Variants in PNPT1 observed in about 807,000 individuals in gnomAD.
The protein encoded by PNPT1 is polyribonucleotide nucleotidyltransferase 1, mitochondrial.
Under a neutral mutation model 119.5 loss-of-function variants are expected in PNPT1, and 53 were observed. The observed-to-expected ratio is 0.44, with a 90% CI of 0.36 to 0.56. The LOEUF (loss-of-function observed/expected upper bound fraction) is 0.56, where lower values mean the gene tolerates loss of function less well. Among genes scored for constraint, PNPT1 ranks in the 20% least tolerant of loss-of-function variants. The pLI is 0.00. For synonymous variants in PNPT1, 357 were observed against 322.1 expected (o/e 1.11, Z -1.16); for missense variants, 948 against 938.5 (o/e 1.01, Z -0.13).
At chr2:55,654,990 A>AT (rs750874825) in intron 17 of PNPT1, 37 bp from the exon 18 acceptor site, 61 of 1,544,654 alleles carry the variant, frequency 3.9e-5, no homozygotes, top group Non-Finnish European at 5.1e-5. Flanking sequence ...TATTAAACTG[A>AT]TTTTTTTAAT....
intron 15 of PNPT1, among the ~76,000 whole-genome samples, chr2:55,656,603 TG>T (rs1696395334): frequency 6.6e-6 from 1 of 152,180 alleles, no homozygotes; most frequent in Non-Finnish European, 1.5e-5. Flanking sequence ...GGGAACTGGA[TG>T]GGTATGGGGA....
chr2:55,666,862 C>A, intron 13 of PNPT1, 129 bp downstream of exon 13: 1 of 581,982 alleles, frequency 1.7e-6, no homozygotes, highest in East Asian at 3.4e-5. Context: ...ACAAGAACCG[C>A]CAGATATTAA....
intron 11 of PNPT1, among the ~76,000 whole-genome samples, chr2:55,670,510 T>A (rs1559103575): frequency 6.6e-6 from 1 of 152,166 alleles, no homozygotes; most frequent in African/African-American, 2.4e-5. Context: ...TACAGTAAGA[T>A]CCTTTGCTTA....
At chr2:55,693,150 A>T (rs1697675512) in intron 1 of PNPT1, among the ~76,000 whole-genome samples, 1 of 152,118 alleles carries the variant, frequency 6.6e-6, no homozygotes, top group African/African-American at 2.4e-5. Flanking sequence ...CCTGGTGTTC[A>T]ACTTCTACAA....
chr2:55,676,248 G>T (rs1250684806), intron 8 of PNPT1, among the ~76,000 whole-genome samples: 2 of 104,168 alleles, frequency 1.9e-5, no homozygotes, highest in Admixed American at 1.5e-4. Context: ...GACAGAGTAA[G>T]ACTCCATCTC....
chr2:55,656,172 G>A lies in PNPT1; in HGVS notation c.1400C>T (p.Pro467Leu). 5.0e-6 allele frequency: 8 copies of A among 1,613,354 alleles called. No homozygotes were observed. Among genetic ancestry groups the A allele is most frequent in the Non-Finnish European group, 5.9e-6 (7 of 1,179,626 alleles). ...ALYPVIPRDFPFTIRVTSEVL... is the reference protein window; with the variant it reads ...ALYPVIPRDFLFTIRVTSEVL... ...TTCAGATGTAACTCTTATGGTGAAAGGAAAATCTCGGGGAATAACAGGATA... is the reference window on the plus strand; with the variant it reads ...TTCAGATGTAACTCTTATGGTGAAAAGAAAATCTCGGGGAATAACAGGATA... Residue 467 changes from proline (P) to leucine (L), a missense_variant, in exon 17 of 28, where the codon CCT (proline) becomes CTT (leucine). Physicochemically the swap from Pro to Leu is moderately conservative, Grantham distance 98. Coordinates refer to ENST00000447944, the MANE Select transcript of PNPT1 (RefSeq NM_033109.5).
Position 55,668,533 on chromosome 2 carries a change from C to T in PNPT1, c.977-575G>A, listed in dbSNP as rs532226739. 7.2e-5 allele frequency among the ~76,000 whole-genome samples: 11 copies of T among 152,098 alleles called. 1 individual carries two copies. The highest frequency in any genetic ancestry group is 2.2e-4 in the African/African-American group (9 of 41,482). On this transcript the variant is annotated intron_variant, in intron 11 of 27. Transcript: ENST00000447944. ...GATTACAGGCGTGAGCCAATGCGCC[C>T]GGCCCATCAGTTCCCTTTTCTATTA... is the stretch of plus-strand genomic sequence containing the variant.
rs182228202 is a variant in PNPT1, at chr2:55,670,537, T to C, written c.976+782A>G. Among the ~76,000 whole-genome samples, 4 of 152,316 alleles carry C rather than the reference T, an allele frequency of 2.6e-5. No homozygotes were observed. In the East Asian group the frequency reaches 7.7e-4, roughly 29 times the overall value. On this transcript the variant is annotated intron_variant, in intron 11 of 27. Transcript: ENST00000447944. ...CTTTGCTTAATAATTTCTGGAGAGCTAAATTACCTAAGTTCTGTATCTTAT... is the reference window on the plus strand; with the variant it reads ...CTTTGCTTAATAATTTCTGGAGAGCCAAATTACCTAAGTTCTGTATCTTAT...
intron 13 of PNPT1, 145 bp from the exon 14 acceptor site, chr2:55,662,171 AC>A (rs1696599393): frequency 1.7e-6 from 1 of 595,260 alleles, no homozygotes; most frequent in Non-Finnish European, 2.7e-6. Context: ...ACTGCATTAA[AC>A]ACTTATTTAT....
intron 25 of PNPT1, among the ~76,000 whole-genome samples, chr2:55,640,947 C>T (rs1324416263): frequency 1.3e-5 from 2 of 151,998 alleles, no homozygotes; most frequent in Admixed American, 1.3e-4. Context: ...CTTTTAGAGC[C>T]AGGTGCGGTG....
intron 18 of PNPT1, among the ~76,000 whole-genome samples, chr2:55,647,787 C>T (rs1356898457): frequency 2.6e-5 from 4 of 151,970 alleles, no homozygotes; most frequent in East Asian, 1.9e-4. Flanking sequence ...CCTCCCAAAG[C>T]GCTGGGATTA....
intron 26 of PNPT1, among the ~76,000 whole-genome samples, chr2:55,638,840 T>C (rs1330670198): frequency 6.6e-6 from 1 of 151,856 alleles, no homozygotes; most frequent in African/African-American, 2.4e-5. Context: ...AGTAGCATGA[T>C]ATCCGCTCAC....
chr2:55,636,281 C>A lies in PNPT1; in HGVS notation c.2308G>T (p.Val770Leu). 1 of 1,613,508 alleles carries A rather than the reference C, an allele frequency of 6.2e-7. No homozygotes were observed. The highest frequency in any genetic ancestry group is 8.5e-7 in the Non-Finnish European group (1 of 1,179,636). ...GACTGTGAAATAGGTTCTCCCATTA[C>A]AATACTACTTCTGTCATTCAAAGTT... ...VRTLNDRSSI[V>L]MGEPISQSSS... Residue 770 changes from valine (V) to leucine (L), a missense_variant, in exon 28 of 28, where the codon GTA becomes TTA. Transcript: ENST00000447944.
At position 55,667,892 on chromosome 2, in the gene PNPT1, A is replaced by C. The variant is rs1331603359; in HGVS notation, c.1043T>G (p.Phe348Cys). 2 of 1,587,922 alleles carry C rather than the reference A, an allele frequency of 1.3e-6. No homozygotes were observed. The highest frequency in any genetic ancestry group is 2.3e-5 in the South Asian group (2 of 85,816). ...GTATTCATTCAAAACAATACTTCTA[A>C]AAACTTCCTTTGCAACAACATTGAA... Reference protein sequence around the residue: ...ESFNVVAKEVFRSIVLNEYKR... With the variant: ...ESFNVVAKEVCRSIVLNEYKR... Residue 348 changes from phenylalanine (F) to cysteine (C), a missense_variant, in exon 12 of 28, where the codon TTT (phenylalanine) becomes TGT (cysteine). Physicochemically the swap from Phe to Cys is radical, Grantham distance 205. Coordinates refer to ENST00000447944, the MANE Select transcript of PNPT1 (RefSeq NM_033109.5).
intron 12 of PNPT1, among the ~76,000 whole-genome samples, 161 bp downstream of exon 12, chr2:55,667,701 A>G (rs1368699196): frequency 6.6e-6 from 1 of 152,180 alleles, no homozygotes; most frequent in Non-Finnish European, 1.5e-5. Flanking sequence ...GTCACATATC[A>G]TGTACTTTTT....
chr2:55,655,993 TAACTC>T, intron 17 of PNPT1, 133 bp downstream of exon 17: 1 of 1,034,590 alleles, frequency 9.7e-7, no homozygotes, highest in Non-Finnish European at 1.4e-6. Context: ...AGTATTTGAT[TAACTC>T]AATACATTTT....
At chr2:55,650,014 T>G (rs1696120473) in intron 18 of PNPT1, among the ~76,000 whole-genome samples, 1 of 152,248 alleles carries the variant, frequency 6.6e-6, no homozygotes, top group Non-Finnish European at 1.5e-5. Flanking sequence ...ATGTGTGGCT[T>G]TCTTGAGGCA....
At chr2:55,636,871 AAACAACAACAAC>A (rs144358783) in intron 27 of PNPT1, among the ~76,000 whole-genome samples, 19 of 151,326 alleles carry the variant, frequency 1.3e-4, no homozygotes, top group African/African-American at 4.4e-4. Context: ...TCTGATGTGA[AAACAACAACAAC>A]AACAACAACA....
At chr2:55,658,974 A>G (rs1696478668) in intron 15 of PNPT1, among the ~76,000 whole-genome samples, 2 of 152,176 alleles carry the variant, frequency 1.3e-5, no homozygotes, top group Non-Finnish European at 2.9e-5. Flanking sequence ...TTATTTTTTG[A>G]GACAGGGTCT....
Sources: gnomAD v4.1 joint callset for allele counts (sites outside exome capture counted in the v4.1 genomes callset) on GRCh38, gnomAD v4.1.1 for gene constraint, MANE v1.5 for transcripts, NCBI Gene and HGNC (gene_info 2026-07-23, HGNC 2026-07-21) for gene names.